NRXN3: variants seen among roughly 807,000 people sequenced by gnomAD.
NRXN3 encodes neurexin 3.
Under a neutral mutation model 137.6 loss-of-function variants are expected in NRXN3, and 32 were observed. That is an observed-to-expected ratio of 0.23 (90% confidence interval 0.18 to 0.31). The LOEUF (loss-of-function observed/expected upper bound fraction) is 0.31, where lower values mean the gene tolerates loss of function less well. NRXN3 is among the 10% of genes least tolerant of loss of function. NRXN3 has a pLI of 1.00. For synonymous variants in NRXN3, 798 were observed against 784.5 expected (o/e 1.02, Z -0.29); for missense variants, 1,574 against 2,062.5 (o/e 0.76, Z 4.59).
rs530816557 is a variant in NRXN3, at chr14:78,336,602, T to C, written c.757+38742T>C. Reference sequence around the variant, plus strand: ...ACTGAGCAAGTATATACTCCACAGGTCTTAAGTGGACATCCTCTGCTCATT... The same window carrying C: ...ACTGAGCAAGTATATACTCCACAGGCCTTAAGTGGACATCCTCTGCTCATT... On this transcript the variant is annotated intron_variant, in intron 4 of 20. Coordinates refer to ENST00000335750, the MANE Select transcript of NRXN3 (RefSeq NM_001330195.2). Among the ~76,000 whole-genome samples, 4 of 152,168 alleles carry C rather than the reference T, an allele frequency of 2.6e-5. No homozygotes were observed. The South Asian group carries it at 6.2e-4, about 24-fold the overall frequency.
chr14:79,401,975 G>A (rs996734717), intron 15 of NRXN3, among the ~76,000 whole-genome samples: 1 of 152,160 alleles, frequency 6.6e-6, no homozygotes, highest in Non-Finnish European at 1.5e-5. Context: ...GGAGTGCAGT[G>A]GCATGATCAC....
intron 2 of NRXN3, among the ~76,000 whole-genome samples, chr14:78,265,279 A>C (rs2071510570): frequency 6.6e-6 from 1 of 151,674 alleles, no homozygotes. Flanking sequence ...GAACTAGGGG[A>C]GGTTAGAAGT....
At chr14:79,534,653 G>A (rs531427700) in intron 16 of NRXN3, among the ~76,000 whole-genome samples, 1 of 151,548 alleles carries the variant, frequency 6.6e-6, no homozygotes, top group Admixed American at 6.6e-5. Context: ...ACATGGCAAG[G>A]TTTAAAAAAC....
At chr14:78,443,090 A>T (rs1455320854) in intron 4 of NRXN3, among the ~76,000 whole-genome samples, 1 of 152,166 alleles carries the variant, frequency 6.6e-6, no homozygotes, top group East Asian at 1.9e-4. Flanking sequence ...CTGTGCACAT[A>T]ATATTCTTTG....
intron 4 of NRXN3, among the ~76,000 whole-genome samples, chr14:78,385,659 T>A (rs1170337588): frequency 6.6e-6 from 1 of 152,182 alleles, no homozygotes; most frequent in African/African-American, 2.4e-5. Flanking sequence ...CAGGAAAGGA[T>A]TCACTATTTT....
rs144030239 is a variant in NRXN3, at chr14:79,658,654, G to A, written c.3445-5124G>A. Among the ~76,000 whole-genome samples, 91 of 152,232 alleles carry A rather than the reference G, an allele frequency of 6.0e-4. 1 individual carries two copies. Among genetic ancestry groups the A allele is most frequent in the Middle Eastern group, 3.4e-3 (1 of 294 alleles). On this transcript the variant is annotated intron_variant, in intron 16 of 20. Transcript: ENST00000335750. ...CTAGGAAAGTGTGGTAAACAGTGCC[G>A]CTCATTATTTTCTTTACTAGGAACC...
chr14:78,290,647 A>AT (rs2075716111), intron 3 of NRXN3, among the ~76,000 whole-genome samples: 2 of 152,110 alleles, frequency 1.3e-5, no homozygotes, highest in Admixed American at 1.3e-4. Flanking sequence ...TCAAAAAAAA[A>AT]GGGGGACTTA....
intron 16 of NRXN3, among the ~76,000 whole-genome samples, chr14:79,580,330 G>T (rs1333496016): frequency 2.0e-5 from 3 of 152,090 alleles, no homozygotes; most frequent in Non-Finnish European, 4.4e-5. Flanking sequence ...CTGGTGGATG[G>T]AGTATTTTAT....
At chr14:79,567,269 G>C (rs943345432) in intron 16 of NRXN3, among the ~76,000 whole-genome samples, 1 of 151,366 alleles carries the variant, frequency 6.6e-6, no homozygotes, top group Non-Finnish European at 1.5e-5. Flanking sequence ...TAGTAATGTT[G>C]GTATCTAGTA....
In NRXN3 at chr14:79,167,975, A is replaced by G. The variant is rs572484388; in HGVS notation, c.3262+179834A>G. Among the ~76,000 whole-genome samples the G allele has an allele frequency of 2.1e-5, 3 of 143,200 alleles. No individual in the cohort carries two copies. The East Asian group carries it at 6.1e-4, about 29-fold the overall frequency. The allele number at this position is 143,200 out of a possible 152,430, so 93.9% of individuals were successfully genotyped here. The stretch of plus-strand genomic sequence containing the variant: ...TTTACCTTCAGGACTTATGATTCTC[A>G]GAGAAAAGAGATGGAGAAACCAGCC... On this transcript the variant is annotated intron_variant, in intron 15 of 20. Transcript: ENST00000335750.
At chr14:79,065,837 TGCAGTA>T (rs2099680065) in intron 15 of NRXN3, among the ~76,000 whole-genome samples, 1 of 152,108 alleles carries the variant, frequency 6.6e-6, no homozygotes, top group African/African-American at 2.4e-5. Context: ...GGGGTACAGG[TGCAGTA>T]TGTTCAGATT....
Position 78,258,658 on chromosome 14 carries a change from G to T in NRXN3, c.709+14856G>T, listed in dbSNP as rs948433890. 3.3e-5 allele frequency among the ~76,000 whole-genome samples: 5 copies of T among 152,146 alleles called. No homozygotes were observed. In the East Asian group the frequency reaches 5.8e-4, roughly 18 times the overall value. On this transcript the variant is annotated intron_variant, in intron 2 of 20. Transcript: ENST00000335750. Reference sequence around the variant, plus strand: ...ATGTAGAAGGAAACTAGGAGTGAAAGAAAATTCTTTAAAATTCTTCACTGG... The same window carrying T: ...ATGTAGAAGGAAACTAGGAGTGAAATAAAATTCTTTAAAATTCTTCACTGG...
chr14:78,311,184 G>A (rs1355136659), intron 4 of NRXN3, among the ~76,000 whole-genome samples: 1 of 152,128 alleles, frequency 6.6e-6, no homozygotes, highest in African/African-American at 2.4e-5. Flanking sequence ...ATGAGACTAT[G>A]AGCACCATAA....
At chr14:79,471,563 A>G (rs1482369101) in intron 16 of NRXN3, among the ~76,000 whole-genome samples, 1 of 152,186 alleles carries the variant, frequency 6.6e-6, no homozygotes, top group African/African-American at 2.4e-5. Context: ...TGATTTATCA[A>G]TTCATCTGAA....
At chr14:78,848,020 G>A (rs1022815287) in intron 10 of NRXN3, among the ~76,000 whole-genome samples, 2 of 152,114 alleles carry the variant, frequency 1.3e-5, no homozygotes, top group East Asian at 1.9e-4. Flanking sequence ...TTCCACCCCC[G>A]GCCTCTGGCT....
chr14:79,771,280 A>C (rs1322253516), intron 19 of NRXN3, among the ~76,000 whole-genome samples: 2 of 152,158 alleles, frequency 1.3e-5, no homozygotes, highest in African/African-American at 2.4e-5. Flanking sequence ...TTATATGAGG[A>C]CAGCATCATC....
chr14:78,177,176 T>C (rs1382270481), intron 1 of NRXN3, among the ~76,000 whole-genome samples: 1 of 152,168 alleles, frequency 6.6e-6, no homozygotes, highest in Non-Finnish European at 1.5e-5. Context: ...TAGACTGGCC[T>C]AGCCTTCTTT....
intron 6 of NRXN3, among the ~76,000 whole-genome samples, chr14:78,669,142 G>A (rs1246265266): frequency 6.6e-6 from 1 of 152,056 alleles, no homozygotes; most frequent in Admixed American, 6.5e-5. Context: ...TAAGAGTGAG[G>A]AGTTAGACAA....
rs147111294 is a variant in NRXN3 at position 78,378,923 on chromosome 14, A to G, written c.757+81063A>G. ...GAAAAGACAGAAATTGCCAATATCA[A>G]AAATGAAATAAAGGATATCGCTATA... On this transcript the variant is annotated intron_variant, in intron 4 of 20. Transcript: ENST00000335750. 3.4e-3 allele frequency among the ~76,000 whole-genome samples: 516 copies of G among 152,316 alleles called. 4 individuals carry two copies. The highest frequency in any genetic ancestry group is 0.012 in the African/African-American group (487 of 41,590).
Sources: gnomAD v4.1 joint callset for allele counts (sites outside exome capture counted in the v4.1 genomes callset) on GRCh38, gnomAD v4.1.1 for gene constraint, MANE v1.5 for transcripts, NCBI Gene and HGNC (gene_info 2026-07-23, HGNC 2026-07-21) for gene names.